DNAAF8: variants seen among roughly 807,000 people sequenced by gnomAD.
The protein encoded by DNAAF8 is dynein axonemal assembly factor 8.
In DNAAF8, 61 loss-of-function variants were observed where a neutral mutation model predicts 54.6. The ratio of observed to expected loss-of-function variants is 1.12; its 90% CI spans 0.91 to 1.38. The LOEUF is 1.38. Among genes scored for constraint, DNAAF8 ranks in the 40% most tolerant of loss-of-function variants. DNAAF8 has a pLI of 0.00. For missense variants in DNAAF8, 837 were observed against 665.0 expected (o/e 1.26, Z -2.85); for synonymous variants, 320 against 270.1 (o/e 1.18, Z -1.81).
At position 4,749,285 on chromosome 16, in the gene DNAAF8, G is replaced by A. The variant is rs1451982257; in HGVS notation, c.*570G>A. 6.5e-6 allele frequency: 1 copy of A among 154,446 alleles called. No individual in the cohort carries two copies. Among genetic ancestry groups the A allele is most frequent in the Non-Finnish European group, 1.5e-5 (1 of 68,248 alleles). The allele number at this position is 154,446 out of a possible 1,614,324, so 9.6% of individuals were successfully genotyped here. A position where few individuals can be genotyped will look rare whatever the true frequency, so the allele number is the denominator to read the frequency against. ...GGCTGCCTAGCTGTCAAGAGCAAAGGCTTTTTTTTTCTTCAACCCCATTTT... is the reference window on the plus strand; with the variant it reads ...GGCTGCCTAGCTGTCAAGAGCAAAGACTTTTTTTTTCTTCAACCCCATTTT... On this transcript the variant is annotated 3_prime_UTR_variant, in exon 10 of 10. Coordinates refer to ENST00000299320, the MANE Select transcript of DNAAF8 (RefSeq NM_139170.3).
In DNAAF8 at chr16:4,740,524, C is replaced by A; in HGVS notation, c.648C>A (p.Thr216=). The change falls in exon 4 of 10, where the codon ACC becomes ACA. Residue 216 remains threonine (T), a synonymous_variant. Coordinates refer to ENST00000299320, the MANE Select transcript of DNAAF8 (RefSeq NM_139170.3). The part of the protein sequence containing the change: ...MIETDILQKV[T]RDACGPTSSD... ...AGACGGACATCCTCCAGAAAGTCAC[C>A]CGGGATGCCTGCGGCCCGACCAGCA... The A allele has an allele frequency of 6.2e-7, 1 of 1,614,068 alleles. No homozygotes were observed. The highest frequency in any genetic ancestry group is 8.5e-7 in the Non-Finnish European group (1 of 1,180,014).
Position 4,740,677 on chromosome 16 carries a change from C to G in DNAAF8, c.783+18C>G. The G allele has an allele frequency of 6.4e-7, 1 of 1,562,120 alleles. No homozygotes were observed. ...CGCTCCAGGTAGGCGCCTCCCCGTG[C>G]CTGGCTGTTTCTCAGGCCTGTTACC... is the stretch of plus-strand genomic sequence containing the variant. On this transcript the variant is annotated intron_variant, in intron 4 of 9. Transcript: ENST00000299320.
intron 8 of DNAAF8, 108 bp from the exon 9 acceptor site, chr16:4,747,235 G>C: frequency 7.2e-7 from 1 of 1,379,856 alleles, no homozygotes; most frequent in Non-Finnish European, 9.9e-7. Context: ...TTGCATTCTT[G>C]CTCTGAAATG....
Position 4,743,051 on chromosome 16 carries a change from A to G in DNAAF8, c.792A>G (p.Glu264=). 6.2e-7 allele frequency: 1 copy of G among 1,608,680 alleles called. No homozygotes were observed. The part of the protein sequence containing the change: ...GPPVLSLQQL[E]AWDLDDILQS... ...GGTTTTAATGATTTCAGCAACTTGA[A>G]GCGTGGGATTTGGATGACATCCTTC... The change falls in exon 5 of 10, where the codon GAA becomes GAG. Residue 264 remains glutamate, a synonymous_variant. Transcript: ENST00000299320.
rs1405589187 is a variant in DNAAF8 at position 4,747,451 on chromosome 16, G to A, written c.1389G>A (p.Gln463=). Residue 463 remains glutamine (Q), a synonymous_variant, in exon 9 of 10, where the codon CAG becomes CAA. Coordinates refer to ENST00000299320, the MANE Select transcript of DNAAF8 (RefSeq NM_139170.3). ...AGGGGCCCGCGGGTGGGAGGGCTCA[G>A]GCCCCTGAAGACACAGCTGGATCAC... ...ASKGPAGGRA[Q]APEDTAGSRT... is the part of the protein sequence containing the mutation. 6.2e-7 allele frequency: 1 copy of A among 1,613,174 alleles called. No homozygotes were observed. The highest frequency in any genetic ancestry group is 1.1e-5 in the South Asian group (1 of 91,090).
chr16:4,749,226 T>C lies in DNAAF8; in HGVS notation c.*511T>C, dbSNP rs115450422. 3.3e-3 allele frequency: 506 copies of C among 154,482 alleles called. 3 individuals are homozygous for C. The highest frequency in any genetic ancestry group is 0.012 in the African/African-American group (479 of 41,616). The allele number at this position is 154,482 out of a possible 1,614,324, so 9.6% of individuals were successfully genotyped here. ...CCGCCAGAACCGGGCTCTGCCCCCA[T>C]ACGCTGCCCTCGCAGCCTGGCGGCC... On this transcript the variant is annotated 3_prime_UTR_variant, in exon 10 of 10. Coordinates refer to ENST00000299320, the MANE Select transcript of DNAAF8 (RefSeq NM_139170.3).
chr16:4,741,923 C>T (rs1416355841), intron 4 of DNAAF8, among the ~76,000 whole-genome samples: 1 of 152,324 alleles, frequency 6.6e-6, no homozygotes, highest in East Asian at 1.9e-4. Context: ...CGGTTTTACA[C>T]ATTTTGGATA....
chr16:4,746,792 C>T (rs1178507168), intron 7 of DNAAF8, 135 bp from the exon 8 acceptor site: 12 of 851,420 alleles, frequency 1.4e-5, no homozygotes, highest in African/African-American at 5.2e-5. Context: ...CCTGGCAGGA[C>T]GTCCACCGGC....
intron 5 of DNAAF8, 59 bp from the exon 6 acceptor site, chr16:4,744,811 C>T (rs1015404937): frequency 3.7e-5 from 58 of 1,557,466 alleles, no homozygotes; most frequent in Non-Finnish European, 4.7e-5. Flanking sequence ...GCTCCAGCTG[C>T]TGTAAGTCAC....
Position 4,746,499 on chromosome 16 carries a change from C to T in DNAAF8, c.1168C>T (p.Leu390=). 1 of 1,613,668 alleles carries T rather than the reference C, an allele frequency of 6.2e-7. No homozygotes were observed. Among genetic ancestry groups the T allele is most frequent in the Non-Finnish European group, 8.5e-7 (1 of 1,179,976 alleles). ...GCGGCAGATGGAGCTACCAGACCAC[C>T]TGTCCCCAGAAAGGTCCGGAGGGCA... The part of the protein sequence containing the change: ...DLRQMELPDH[L]SPESSSHSSS... The change falls in exon 7 of 10, where the codon CTG becomes TTG. Residue 390 remains leucine, a synonymous_variant. Transcript: ENST00000299320.
At chr16:4,736,126 T>C (rs1192881982) in intron 1 of DNAAF8, among the ~76,000 whole-genome samples, 1 of 152,174 alleles carries the variant, frequency 6.6e-6, no homozygotes, top group Non-Finnish European at 1.5e-5. Context: ...AATATACCTA[T>C]ATATCATTAT....
rs919170526 is a variant in DNAAF8 at position 4,736,447 on chromosome 16, C to G, written c.-51-17C>G. 1.4e-6 allele frequency: 2 copies of G among 1,398,778 alleles called. No homozygotes were observed. Among genetic ancestry groups the G allele is most frequent in the African/African-American group, 1.5e-5 (1 of 68,266 alleles). 86.6% of individuals were successfully genotyped at this position (1,398,778 alleles called of 1,614,324 possible). On this transcript the variant is annotated splice_polypyrimidine_tract_variant and intron_variant, in intron 1 of 9. Coordinates refer to ENST00000299320, the MANE Select transcript of DNAAF8 (RefSeq NM_139170.3). The stretch of plus-strand genomic sequence containing the variant: ...CAGTGGCCCGGACCCTCTTCCATCA[C>G]CCTGTGTACCCCACAGAGCTCCCCG...
chr16:4,746,767 C>A, intron 7 of DNAAF8, 160 bp from the exon 8 acceptor site: 1 of 762,206 alleles, frequency 1.3e-6, no homozygotes, highest in East Asian at 2.8e-5. Flanking sequence ...GCATCACCCA[C>A]ACCTGTCCTC....
chr16:4,746,511 A>T lies in DNAAF8; in HGVS notation c.1180A>T (p.Ser394Cys), dbSNP rs764615801. 3.1e-6 allele frequency: 5 copies of T among 1,612,822 alleles called. No homozygotes were observed. The highest frequency in any genetic ancestry group is 1.7e-5 in the Admixed American group (1 of 59,812). Residue 394 changes from serine (S) to cysteine (C), a missense_variant and splice_region_variant, in exon 7 of 10, where the codon AGC (serine) becomes TGC (cysteine). Transcript: ENST00000299320. The part of the protein sequence containing the change: ...MELPDHLSPE[S>C]SSHSSSDSEE... ...GCTACCAGACCACCTGTCCCCAGAA[A>T]GGTCCGGAGGGCAGTGACTACCCCA... is the stretch of plus-strand genomic sequence containing the variant.
chr16:4,735,781 C>T (rs1481861876), intron 1 of DNAAF8, among the ~76,000 whole-genome samples: 1 of 152,152 alleles, frequency 6.6e-6, no homozygotes, highest in Non-Finnish European at 1.5e-5. Context: ...AACAGGGAGA[C>T]TCCATCTCTA....
intron 9 of DNAAF8, chr16:4,748,494 T>C (rs916423253): frequency 5.3e-5 from 8 of 152,266 alleles, no homozygotes; most frequent in African/African-American, 1.9e-4. Flanking sequence ...CTGGAAATGC[T>C]GTCCTGTGTA....
rs2081972494 is a variant in DNAAF8, at chr16:4,742,903, AC to A, written c.784-139del. The A allele has an allele frequency of 8.1e-6, 6 of 742,832 alleles. No homozygotes were observed. The East Asian group carries it at 1.6e-4, about 20-fold the overall frequency. The allele number at this position is 742,832 out of a possible 1,614,324, so 46.0% of individuals were successfully genotyped here. Reference sequence around the variant, plus strand: ...AAAGGCGGGGTCAGCCTATTTGCAAACTCTGTCATGCACTGAATTCCTGATT... The same window carrying A: ...AAAGGCGGGGTCAGCCTATTTGCAAATCTGTCATGCACTGAATTCCTGATT... On this transcript the variant is annotated intron_variant, in intron 4 of 9. Coordinates refer to ENST00000299320, the MANE Select transcript of DNAAF8 (RefSeq NM_139170.3).
chr16:4,745,992 G>C (rs1176686786), intron 6 of DNAAF8, among the ~76,000 whole-genome samples: 1 of 151,626 alleles, frequency 6.6e-6, no homozygotes, highest in Non-Finnish European at 1.5e-5. Context: ...GAAATGGAGA[G>C]AACTGCAGTG....
intron 1 of DNAAF8, 126 bp downstream of exon 1, chr16:4,734,824 C>G (rs1161819671): frequency 6.6e-6 from 1 of 152,104 alleles, no homozygotes; most frequent in Non-Finnish European, 1.5e-5. Flanking sequence ...TTTAAAAGCT[C>G]GACCCGGGAG....
Sources: allele counts gnomAD v4.1 joint callset (sites outside exome capture counted in the v4.1 genomes callset), GRCh38; gene constraint gnomAD v4.1.1; transcripts MANE v1.5; gene names NCBI Gene and HGNC (gene_info 2026-07-23, HGNC 2026-07-21).